CREBBP: variants seen among roughly 807,000 people sequenced by gnomAD.
The protein encoded by CREBBP is CREB-binding protein.
A neutral mutation model predicts 265.0 loss-of-function variants in CREBBP; 19 were observed. The ratio of observed to expected loss-of-function variants is 0.07; its 90% CI spans 0.05 to 0.11. The LOEUF (loss-of-function observed/expected upper bound fraction) is 0.11. Among genes scored for constraint, CREBBP ranks in the 10% least tolerant of loss-of-function variants. The pLI is 1.00. For missense variants in CREBBP, 2,525 were observed against 3,219.0 expected, an observed-to-expected ratio of 0.78 and a Z score of 5.22; for synonymous variants, 1,457 against 1,223.7, an observed-to-expected ratio of 1.19 and a Z score of -3.98.
At chr16:3,834,364 C>A (rs2141424433) in intron 2 of CREBBP, among the ~76,000 whole-genome samples, 1 of 152,248 alleles carries the variant, frequency 6.6e-6, no homozygotes, top group Non-Finnish European at 1.5e-5. Flanking sequence ...TGAAGTCTTT[C>A]AGTAGGTAAA....
chr16:3,803,656 G>A (rs1596970720), intron 3 of CREBBP, among the ~76,000 whole-genome samples: 1 of 152,118 alleles, frequency 6.6e-6, no homozygotes, highest in South Asian at 2.1e-4. Flanking sequence ...AAGGCTCAGG[G>A]TAAGAAATGT....
chr16:3,820,464 G>A (rs929800988), intron 2 of CREBBP, among the ~76,000 whole-genome samples: 1 of 152,136 alleles, frequency 6.6e-6, no homozygotes, highest in Non-Finnish European at 1.5e-5. Flanking sequence ...CTGCCAACCT[G>A]GAATGCATTC....
intron 2 of CREBBP, among the ~76,000 whole-genome samples, chr16:3,841,438 G>C (rs2141451474): frequency 6.6e-6 from 1 of 152,076 alleles, no homozygotes; most frequent in East Asian, 1.9e-4. Flanking sequence ...ACAATTTTTA[G>C]TACAAATAAA....
intron 2 of CREBBP, among the ~76,000 whole-genome samples, chr16:3,835,768 AT>A (rs1327077961): frequency 1.1e-4 from 16 of 151,392 alleles, no homozygotes; most frequent in East Asian, 3.9e-4. Context: ...TTTAGTAGAG[AT>A]GGGGGTTTCA....
At chr16:3,790,366 CTTTTT>C (rs57582399) in intron 5 of CREBBP, among the ~76,000 whole-genome samples, 9 of 66,598 alleles carry the variant, frequency 1.4e-4, no homozygotes, top group South Asian at 6.2e-4. Flanking sequence ...AGGAAACTGG[CTTTTT>C]TTTTTTTTTT....
intron 13 of CREBBP, among the ~76,000 whole-genome samples, chr16:3,771,757 G>C (rs1358203957): frequency 3.3e-5 from 5 of 151,196 alleles, no homozygotes; most frequent in Non-Finnish European, 5.9e-5. Flanking sequence ...GAGTGGGATG[G>C]TGACAGAATT....
intron 2 of CREBBP, among the ~76,000 whole-genome samples, chr16:3,848,570 A>G (rs1237541936): frequency 1.3e-5 from 2 of 152,182 alleles, no homozygotes; most frequent in Non-Finnish European, 2.9e-5. Context: ...TATACTGCAC[A>G]TGTTAAAGAA....
intron 21 of CREBBP, among the ~76,000 whole-genome samples, chr16:3,748,287 A>C (rs1420577728): frequency 1.3e-5 from 2 of 151,998 alleles, no homozygotes; most frequent in Non-Finnish European, 2.9e-5. Context: ...AGGGGGAAAA[A>C]AAAAAAGGAA....
Position 3,767,790 on chromosome 16 carries a change from T to C in CREBBP, c.3180A>G (p.Lys1060=), listed in dbSNP as rs2141182228. 1 of 1,614,230 alleles carries C rather than the reference T, an allele frequency of 6.2e-7. No individual in the cohort carries two copies. Among genetic ancestry groups the C allele is most frequent in the African/African-American group, 1.3e-5 (1 of 75,066 alleles). ...EKKPEVKVEV[K]EEEESSSNGT... is the part of the protein sequence containing the mutation. ...CGTTACTGCTACTCTCTTCTTCCTC[T>C]TTAACTTCTACTTTCACTTCAGGTT... Residue 1060 remains lysine, a synonymous_variant, in exon 16 of 31, where the codon AAA becomes AAG. Transcript: ENST00000262367.
Position 3,850,324 on chromosome 16 carries a change from G to A in CREBBP, c.771C>T (p.Asn257=), listed in dbSNP as rs546908711. 7 of 1,614,218 alleles carry A rather than the reference G, an allele frequency of 4.3e-6. No individual in the cohort carries two copies. The highest frequency in any genetic ancestry group is 2.2e-5 in the East Asian group (1 of 44,882). Reference sequence around the variant, plus strand: ...TGGCCATGCCTCCTGCCTGTGCGGTGTTCAGTCCCGCGTGACCAGTCATTT... The same window carrying A: ...TGGCCATGCCTCCTGCCTGTGCGGTATTCAGTCCCGCGTGACCAGTCATTT... ...SPQMTGHAGL[N]TAQAGGMAKM... The change falls in exon 2 of 31, where the codon AAC becomes AAT. Residue 257 remains asparagine, a synonymous_variant. Transcript: ENST00000262367.
chr16:3,790,478 G>T (rs934131903), intron 5 of CREBBP, among the ~76,000 whole-genome samples: 1 of 145,182 alleles, frequency 6.9e-6, no homozygotes, highest in Non-Finnish European at 1.5e-5. Context: ...AGGTTTAAGT[G>T]ATTCTCCTGC....
intron 2 of CREBBP, among the ~76,000 whole-genome samples, chr16:3,823,549 C>CGACACCTACTCAGGACACAAA (rs1567340827): frequency 6.6e-6 from 1 of 152,088 alleles, no homozygotes; most frequent in African/African-American, 2.4e-5. Context: ...CAAACAAGGT[C>CGACACCTACTCAGGACACAAA]GACACCTACT....
At chr16:3,778,996 G>A (rs892123028) in intron 8 of CREBBP, among the ~76,000 whole-genome samples, 179 bp from the exon 9 acceptor site, 3 of 151,840 alleles carry the variant, frequency 2.0e-5, no homozygotes, top group Admixed American at 6.6e-5. Context: ...GTGAAATCCC[G>A]TCTCTACTAA....
At position 3,850,692 on chromosome 16, in the gene CREBBP, T is replaced by G. The variant is rs1234857463; in HGVS notation, c.403A>C (p.Lys135Gln). The stretch of plus-strand genomic sequence containing the variant: ...GGCCCAGAGGTGCTGGCTGCCTGTT[T>G]AGGCAGGCTGGGGGCTGAAGAATCT... ...QGDSSAPSLP[K>Q]QAASTSGPTP... The change falls in exon 2 of 31, where the codon AAA becomes CAA. Residue 135 changes from lysine (K) to glutamine (Q), a missense_variant. Transcript: ENST00000262367. 2.5e-6 allele frequency: 4 copies of G among 1,614,154 alleles called. No homozygotes were observed. In the East Asian group the frequency reaches 8.9e-5, roughly 36 times the overall value.
chr16:3,819,089 G>A (rs564860356), intron 2 of CREBBP, among the ~76,000 whole-genome samples: 221 of 152,380 alleles, frequency 1.5e-3, no homozygotes, highest in African/African-American at 5.0e-3. Context: ...GGCAAAGTGC[G>A]GCCTGTGGGC....
intron 3 of CREBBP, among the ~76,000 whole-genome samples, chr16:3,810,390 C>A (rs1035339203): frequency 2.3e-4 from 35 of 152,124 alleles, no homozygotes; most frequent in African/African-American, 8.2e-4. Context: ...CTGGGAAGAG[C>A]GGCTGAATCA....
At chr16:3,754,277 C>G (rs1406759991) in intron 19 of CREBBP, among the ~76,000 whole-genome samples, 1 of 152,212 alleles carries the variant, frequency 6.6e-6, no homozygotes, top group Non-Finnish European at 1.5e-5. Context: ...GAAAAGGGAA[C>G]AGTCACCCCC....
Position 3,728,697 on chromosome 16 carries a change from G to T in CREBBP, c.6350C>A (p.Pro2117His). The change falls in exon 31 of 31, where the codon CCC becomes CAC. Residue 2117 changes from proline to histidine, a missense_variant. By Grantham distance (77) the Pro-to-His change is moderately conservative (BLOSUM62 -2). Coordinates refer to ENST00000262367, the MANE Select transcript of CREBBP (RefSeq NM_004380.3). The surrounding 1 kb of genome is among the most constrained non-coding windows in gnomAD (Gnocchi z 8.7). ...GGGCTGGGACTGGAGGCCAGGCTGG[G>T]GCTGCATGCCGGGCTGATTGGCCAC... ...KYVANQPGMQPQPGLQSQPGM... is the reference protein window; with the variant it reads ...KYVANQPGMQHQPGLQSQPGM... The T allele has an allele frequency of 6.2e-7, 1 of 1,614,002 alleles. No individual in the cohort carries two copies. The highest frequency in any genetic ancestry group is 8.5e-7 in the Non-Finnish European group (1 of 1,179,982).
At chr16:3,738,395 G>T (rs2052123135) in intron 26 of CREBBP, among the ~76,000 whole-genome samples, 164 bp downstream of exon 26, 1 of 150,918 alleles carries the variant, frequency 6.6e-6, no homozygotes. Context: ...GACCTGTGAG[G>T]CTCGGGGAGC....
Sources: allele counts gnomAD v4.1 joint callset (sites outside exome capture counted in the v4.1 genomes callset), GRCh38; gene constraint gnomAD v4.1.1; non-coding constraint Gnocchi (gnomAD v3.1); transcripts MANE v1.5; gene names NCBI Gene and HGNC (gene_info 2026-07-23, HGNC 2026-07-21).